TGM4: variants seen among roughly 807,000 people sequenced by gnomAD.
The protein encoded by TGM4 is transglutaminase 4, also known as protein-glutamine gamma-glutamyltransferase 4.
Under a neutral mutation model 76.3 loss-of-function variants are expected in TGM4, and 61 were observed. That is an observed-to-expected ratio of 0.80 (90% CI 0.65 to 0.99). The LOEUF (loss-of-function observed/expected upper bound fraction) is 0.99, where lower values mean the gene tolerates loss of function less well. TGM4 is among the 50% of genes least tolerant of loss of function. The probability of loss-of-function intolerance (pLI) is 0.00; values close to 1 mark genes in which losing one functional copy is unlikely to be tolerated. For missense variants in TGM4, 794 were observed against 843.2 expected (o/e 0.94, Z 0.72); for synonymous variants, 337 against 329.8 (o/e 1.02, Z -0.24).
intron 1 of TGM4, 86 bp from the exon 2 acceptor site, chr3:44,885,239 A>G (rs904701344): frequency 2.2e-6 from 3 of 1,391,510 alleles, no homozygotes; most frequent in South Asian, 1.4e-5. Flanking sequence ...ACCTCAATGC[A>G]CTCTCAGATT....
chr3:44,889,169 C>CAA (rs1699653394), intron 3 of TGM4: 1 of 40,372 alleles, frequency 2.5e-5, no homozygotes, highest in Non-Finnish European at 4.4e-5. Flanking sequence ...CCCATCTCTA[C>CAA]TAAAAAAAAA....
intron 12 of TGM4, 61 bp from the exon 13 acceptor site, chr3:44,911,209 G>A (rs568675708): frequency 2.5e-6 from 4 of 1,610,822 alleles, no homozygotes; most frequent in African/African-American, 1.3e-5. Context: ...AGAACCCTGA[G>A]GGTCCTTGGT....
chr3:44,878,231 TGA>T, intron 1 of TGM4, among the ~76,000 whole-genome samples: 1 of 150,774 alleles, frequency 6.6e-6, no homozygotes, highest in Admixed American at 6.6e-5. Flanking sequence ...GACATGTGTG[TGA>T]GAGAGAGAGG....
chr3:44,891,194 C>T (rs1203453063), intron 4 of TGM4, among the ~76,000 whole-genome samples: 1 of 152,194 alleles, frequency 6.6e-6, no homozygotes, highest in Non-Finnish European at 1.5e-5. Context: ...CTTGAGGCTA[C>T]TTCTGCCATT....
chr3:44,896,661 G>T, intron 5 of TGM4, 48 bp from the exon 6 acceptor site: 2 of 1,585,120 alleles, frequency 1.3e-6, no homozygotes, highest in South Asian at 2.2e-5. Flanking sequence ...TTAAGTTTCT[G>T]ACACAGGGCA....
chr3:44,886,625 C>T (rs76496099), intron 2 of TGM4, among the ~76,000 whole-genome samples: 8 of 152,338 alleles, frequency 5.3e-5, no homozygotes, highest in African/African-American at 9.6e-5. Flanking sequence ...TGCATTCCCT[C>T]ACCCAAAATT....
chr3:44,907,355 T>G (rs1699939098), intron 10 of TGM4, among the ~76,000 whole-genome samples, 155 bp downstream of exon 10: 1 of 149,676 alleles, frequency 6.7e-6, no homozygotes, highest in African/African-American at 2.4e-5. Context: ...TGGTGGCATG[T>G]GCCTGTGGTC....
intron 9 of TGM4, among the ~76,000 whole-genome samples, chr3:44,905,433 A>G (rs1395522516): frequency 6.6e-6 from 1 of 152,164 alleles, no homozygotes; most frequent in Non-Finnish European, 1.5e-5. Flanking sequence ...TCACTCCTGC[A>G]GCCCCTGAAG....
intron 9 of TGM4, among the ~76,000 whole-genome samples, chr3:44,906,013 G>T (rs1228249889): frequency 6.6e-6 from 1 of 152,170 alleles, no homozygotes; most frequent in Non-Finnish European, 1.5e-5. Context: ...CAGAAAAGGG[G>T]CCTTAAAAGC....
chr3:44,910,878 A>G, intron 11 of TGM4, 80 bp from the exon 12 acceptor site: 1 of 1,472,046 alleles, frequency 6.8e-7, no homozygotes, highest in South Asian at 1.3e-5. Flanking sequence ...AAGTTAATCT[A>G]ATTCTGTGCT....
rs779584161 is a variant in TGM4 at position 44,910,932 on chromosome 3, T to C, written c.1607-26T>C. On this transcript the variant is annotated intron_variant, in intron 11 of 13. Coordinates refer to ENST00000296125, the MANE Select transcript of TGM4 (RefSeq NM_003241.4). ...CTGGGGGGGTATGATGAATGACCTC[T>C]CCCCTCCACCCTGACTCTTTGGCAG... The C allele has an allele frequency of 1.2e-5, 19 of 1,608,848 alleles. No homozygotes were observed. In the African/African-American group the frequency reaches 1.6e-4, roughly 14 times the overall value.
chr3:44,911,516 G>A, intron 13 of TGM4, 110 bp downstream of exon 13: 2 of 1,315,744 alleles, frequency 1.5e-6, no homozygotes, highest in South Asian at 1.5e-5. Context: ...GGGTCAAAAT[G>A]TAGATACATT....
chr3:44,878,725 G>A (rs764067667), intron 1 of TGM4, among the ~76,000 whole-genome samples: 30 of 152,020 alleles, frequency 2.0e-4, no homozygotes, highest in Non-Finnish European at 1.5e-4. Context: ...CAAGTGATCC[G>A]CCTGTCCTGG....
At chr3:44,904,552 G>A (rs899973124) in intron 9 of TGM4, among the ~76,000 whole-genome samples, 1 of 152,200 alleles carries the variant, frequency 6.6e-6, no homozygotes, top group Non-Finnish European at 1.5e-5. Flanking sequence ...CATGGGGTTG[G>A]TCTGAGGTTA....
intron 10 of TGM4, among the ~76,000 whole-genome samples, chr3:44,909,639 C>A (rs893108343): frequency 2.0e-5 from 3 of 152,114 alleles, no homozygotes; most frequent in Non-Finnish European, 4.4e-5. Context: ...GGCTAGGCTG[C>A]TGGTTTTCAC....
Position 44,913,801 on chromosome 3 carries a change from G to A in TGM4, c.*76G>A, listed in dbSNP as rs1700042798. On this transcript the variant is annotated 3_prime_UTR_variant, in exon 14 of 14. Coordinates refer to ENST00000296125, the MANE Select transcript of TGM4 (RefSeq NM_003241.4). Reference sequence around the variant, plus strand: ...TGTGCTTAGCTTTCAGATTATGGATGATTAAATTTGATGACTTATATGAGG... The same window carrying A: ...TGTGCTTAGCTTTCAGATTATGGATAATTAAATTTGATGACTTATATGAGG... 2.6e-6 allele frequency: 4 copies of A among 1,534,642 alleles called. No homozygotes were observed. Among genetic ancestry groups the A allele is most frequent in the Non-Finnish European group, 3.5e-6 (4 of 1,143,386 alleles).
At chr3:44,897,521 T>C (rs1235070611) in intron 6 of TGM4, among the ~76,000 whole-genome samples, 1 of 152,236 alleles carries the variant, frequency 6.6e-6, no homozygotes, top group Non-Finnish European at 1.5e-5. Flanking sequence ...AATACTGTGT[T>C]CCAGGAAACC....
intron 1 of TGM4, among the ~76,000 whole-genome samples, chr3:44,876,744 A>G (rs1241848674): frequency 6.6e-6 from 1 of 152,182 alleles, no homozygotes; most frequent in Non-Finnish European, 1.5e-5. Context: ...AGTAAAACTG[A>G]CTCCAGAAAA....
rs758145189 is a variant in TGM4, at chr3:44,874,728, C to T, written c.19+31C>T. ...TGGGTGAAATCTCCATGGAGCCCCA[C>T]ATGCCCCTTCAGCCAGCTGGCCCTA... On this transcript the variant is annotated intron_variant, in intron 1 of 13. Transcript: ENST00000296125. 8 of 1,614,034 alleles carry T rather than the reference C, an allele frequency of 5.0e-6. No individual in the cohort carries two copies. In the Admixed American group the frequency reaches 1.3e-4, roughly 27 times the overall value.
Sources: allele counts gnomAD v4.1 joint callset (sites outside exome capture counted in the v4.1 genomes callset), GRCh38; gene constraint gnomAD v4.1.1; transcripts MANE v1.5; gene names NCBI Gene and HGNC (gene_info 2026-07-23, HGNC 2026-07-21).